The following ARPP21 variants were observed in gnomAD, a reference collection of about 807,000 sequenced individuals.
The protein encoded by ARPP21 is cAMP-regulated phosphoprotein 21.
ARPP21 carries 69 observed loss-of-function variants against 113.2 expected under a neutral mutation model. The observed-to-expected ratio is 0.61, with a 90% CI of 0.50 to 0.74. The LOEUF (loss-of-function observed/expected upper bound fraction) is 0.74. Among genes scored for constraint, ARPP21 ranks in the 30% least tolerant of loss-of-function variants. ARPP21 has a pLI of 0.00. For missense variants in ARPP21, 1,070 were observed against 1,037.4 expected, an observed-to-expected ratio of 1.03 and a Z score of -0.43; for synonymous variants, 368 against 375.5, an observed-to-expected ratio of 0.98 and a Z score of 0.23.
rs2081249510 is a variant in ARPP21 at position 35,688,442 on chromosome 3, C to T, written c.406+559C>T. Among the ~76,000 whole-genome samples the T allele has an allele frequency of 4.6e-5, 7 of 151,568 alleles. No homozygotes were observed. In the South Asian group the frequency reaches 1.5e-3, roughly 31 times the overall value. ...AATACCCACTTCTACTTCAATAAAT[C>T]ACTGTGCAAAAAGTCATACATTTAC... On this transcript the variant is annotated intron_variant, in intron 6 of 20. Transcript: ENST00000684406.
intron 9 of ARPP21, among the ~76,000 whole-genome samples, chr3:35,706,555 G>T (rs919191155): frequency 6.6e-6 from 1 of 152,180 alleles, no homozygotes; most frequent in African/African-American, 2.4e-5. Context: ...AGATGTGATA[G>T]AAGATATTCT....
At chr3:35,684,689 T>C in intron 5 of ARPP21, 1 of 985,180 alleles carries the variant, frequency 1.0e-6, no homozygotes, top group Non-Finnish European at 1.2e-6. Context: ...TTTTTTCCTC[T>C]TACTTTAATT....
intron 19 of ARPP21, among the ~76,000 whole-genome samples, chr3:35,747,274 G>A (rs1388306136): frequency 6.7e-6 from 1 of 150,080 alleles, no homozygotes; most frequent in African/African-American, 2.5e-5. Flanking sequence ...AGAATCGCTT[G>A]AACCTGGGAG....
intron 19 of ARPP21, among the ~76,000 whole-genome samples, chr3:35,753,311 A>G (rs1164331628): frequency 6.6e-6 from 1 of 152,054 alleles, no homozygotes; most frequent in Admixed American, 6.6e-5. Flanking sequence ...CAACATATGA[A>G]TATACACATT....
At chr3:35,682,567 T>C (rs950089459) in intron 3 of ARPP21, 14 of 358,390 alleles carry the variant, frequency 3.9e-5, no homozygotes, top group Non-Finnish European at 6.0e-5. Context: ...GATAACTGCA[T>C]GATGGCCAAA....
At chr3:35,673,640 A>G (rs1479171579) in intron 1 of ARPP21, among the ~76,000 whole-genome samples, 1 of 152,024 alleles carries the variant, frequency 6.6e-6, no homozygotes, top group African/African-American at 2.4e-5. Flanking sequence ...TTTTATGGAC[A>G]TTTCAAAAAT....
At chr3:35,663,742 C>A (rs1011839487) in intron 1 of ARPP21, among the ~76,000 whole-genome samples, 6 of 152,108 alleles carry the variant, frequency 3.9e-5, no homozygotes, top group Admixed American at 6.5e-5. Flanking sequence ...CCCCACAGTC[C>A]TCCGGAGTAA....
intron 18 of ARPP21, among the ~76,000 whole-genome samples, chr3:35,740,339 C>T (rs1364313284): frequency 2.0e-5 from 3 of 152,144 alleles, no homozygotes; most frequent in Non-Finnish European, 2.9e-5. Context: ...CAAGGCACAC[C>T]GATCCCAAGA....
chr3:35,671,169 G>C (rs1007171338), intron 1 of ARPP21, among the ~76,000 whole-genome samples: 2 of 151,986 alleles, frequency 1.3e-5, no homozygotes, highest in African/African-American at 4.8e-5. Context: ...TCTGCAACCC[G>C]CTCTTCAGCA....
Position 35,657,438 on chromosome 3 carries a change from C to G in ARPP21, c.-213+17040C>G, listed in dbSNP as rs531981407. Among the ~76,000 whole-genome samples the G allele has an allele frequency of 5.9e-5, 9 of 152,228 alleles. No homozygotes were observed. In the East Asian group the frequency reaches 1.7e-3, roughly 29 times the overall value. Reference sequence around the variant, plus strand: ...CTGATCAGGTGATATCAATAAACATCTGTTGAAAAAATGCATATGTTTCTC... The same window carrying G: ...CTGATCAGGTGATATCAATAAACATGTGTTGAAAAAATGCATATGTTTCTC... On this transcript the variant is annotated intron_variant, in intron 1 of 20. Transcript: ENST00000684406.
chr3:35,780,765 C>T (rs2096506383), intron 19 of ARPP21, among the ~76,000 whole-genome samples: 2 of 152,040 alleles, frequency 1.3e-5, no homozygotes, highest in African/African-American at 4.8e-5. Context: ...AGCGTCTGGG[C>T]ATTAAGGCTT....
intron 19 of ARPP21, among the ~76,000 whole-genome samples, chr3:35,758,495 A>G (rs1258942381): frequency 2.0e-5 from 3 of 151,978 alleles, no homozygotes; most frequent in African/African-American, 4.8e-5. Context: ...CAAGGAGCTC[A>G]CACTCTTTGA....
intron 15 of ARPP21, among the ~76,000 whole-genome samples, chr3:35,731,176 AG>A (rs1322412025): frequency 1.3e-5 from 2 of 152,178 alleles, no homozygotes; most frequent in African/African-American, 2.4e-5. Context: ...GTTTTGAAAA[AG>A]CTCAACAGAG....
At chr3:35,667,372 A>T (rs776436991) in intron 1 of ARPP21, among the ~76,000 whole-genome samples, 1 of 152,172 alleles carries the variant, frequency 6.6e-6, no homozygotes, top group Non-Finnish European at 1.5e-5. Context: ...GTCATTTTGC[A>T]TTGTGATTAC....
intron 9 of ARPP21, 22 bp downstream of exon 9, chr3:35,691,027 A>G: frequency 1.3e-6 from 2 of 1,589,186 alleles, no homozygotes; most frequent in Non-Finnish European, 1.7e-6. Flanking sequence ...CACTGTACTT[A>G]TTTAGCATTT....
intron 19 of ARPP21, among the ~76,000 whole-genome samples, chr3:35,751,464 G>C (rs1406840893): frequency 6.6e-6 from 1 of 152,060 alleles, no homozygotes; most frequent in Non-Finnish European, 1.5e-5. Context: ...TCTGTTCTGC[G>C]TGAGTAAGTA....
chr3:35,687,153 T>C (rs2080866094), intron 5 of ARPP21, among the ~76,000 whole-genome samples: 1 of 151,382 alleles, frequency 6.6e-6, no homozygotes, highest in Admixed American at 6.6e-5. Context: ...TAAACAATTA[T>C]AATAAGTTTA....
intron 1 of ARPP21, among the ~76,000 whole-genome samples, chr3:35,665,321 G>A (rs1239937542): frequency 6.6e-6 from 1 of 151,650 alleles, no homozygotes; most frequent in African/African-American, 2.4e-5. Flanking sequence ...GATCATAAGC[G>A]GCCTAAGCTT....
chr3:35,743,770 T>A (rs917504241), intron 18 of ARPP21, 69 bp from the exon 19 acceptor site: 51 of 1,528,710 alleles, frequency 3.3e-5, no homozygotes, highest in Non-Finnish European at 4.4e-5. Flanking sequence ...GACGAAAGCA[T>A]ATTTTAAGTT....
Sources: gnomAD v4.1 joint callset for allele counts (sites outside exome capture counted in the v4.1 genomes callset) on GRCh38, gnomAD v4.1.1 for gene constraint, MANE v1.5 for transcripts, NCBI Gene and HGNC (gene_info 2026-07-23, HGNC 2026-07-21) for gene names.